The following DCLK2 variants were observed in gnomAD, a reference collection of about 807,000 sequenced individuals.
DCLK2 encodes doublecortin like kinase 2.
In DCLK2, 31 loss-of-function variants were observed where a neutral mutation model predicts 78.4. The ratio of observed to expected loss-of-function variants is 0.40; its 90% CI spans 0.30 to 0.53. The LOEUF (loss-of-function observed/expected upper bound fraction) is 0.53, where lower values mean the gene tolerates loss of function less well. DCLK2 is among the 20% of genes least tolerant of loss of function. The probability of loss-of-function intolerance (pLI) is 0.61; values close to 1 mark genes in which losing one functional copy is unlikely to be tolerated. For synonymous variants in DCLK2, 407 were observed against 374.9 expected (o/e 1.09, Z -0.99); for missense variants, 872 against 973.7 (o/e 0.90, Z 1.39).
intron 4 of DCLK2, among the ~76,000 whole-genome samples, chr4:150,201,869 G>A (rs1324338734): frequency 2.0e-5 from 3 of 152,146 alleles, no homozygotes; most frequent in East Asian, 1.9e-4. Context: ...GTTTATTGCC[G>A]GTCATAATCT....
chr4:150,078,921 G>T lies in DCLK2; in HGVS notation c.-107G>T, dbSNP rs564613650. On this transcript the variant is annotated 5_prime_UTR_variant, in exon 1 of 16. Transcript: ENST00000296550. ...GGAGAGGGCGGGATGCCAGAGCCAG[G>T]TGTCCCGGCGCGTTAAGGGCCCTCG... 1.2e-3 allele frequency: 1,657 copies of T among 1,352,402 alleles called. 1 individual carries two copies. The highest frequency in any genetic ancestry group is 1.5e-3 in the Non-Finnish European group (1,501 of 1,031,806). 83.8% of individuals were successfully genotyped at this position (1,352,402 alleles called of 1,614,324 possible).
intron 8 of DCLK2, among the ~76,000 whole-genome samples, chr4:150,232,071 A>G (rs1305613714): frequency 1.3e-5 from 2 of 152,228 alleles, no homozygotes; most frequent in Admixed American, 6.5e-5. Context: ...GCGAGAAGAC[A>G]GTATGCTTAA....
intron 10 of DCLK2, among the ~76,000 whole-genome samples, chr4:150,234,370 T>C (rs902142875): frequency 1.6e-4 from 25 of 152,184 alleles, no homozygotes; most frequent in African/African-American, 3.1e-4. Context: ...TGTCTAATTA[T>C]CTTTATATCT....
At chr4:150,174,104 A>C (rs1010260228) in intron 2 of DCLK2, among the ~76,000 whole-genome samples, 1 of 152,170 alleles carries the variant, frequency 6.6e-6, no homozygotes, top group Non-Finnish European at 1.5e-5. Flanking sequence ...AATGGCAGTC[A>C]CCACTACTCA....
chr4:150,245,507 A>G (rs1189199380), intron 12 of DCLK2, among the ~76,000 whole-genome samples: 1 of 152,070 alleles, frequency 6.6e-6, no homozygotes, highest in East Asian at 1.9e-4. Flanking sequence ...TCCTAATGCT[A>G]TCCCTCCCCC....
rs1156708739 is a variant in DCLK2 at position 150,248,185 on chromosome 4, CAGTT to C, written c.1876-117_1876-114del. 1.3e-5 allele frequency: 10 copies of C among 764,758 alleles called. No homozygotes were observed. The East Asian group carries it at 2.1e-4, about 16-fold the overall frequency. The allele number at this position is 764,758 out of a possible 1,614,324, so 47.4% of individuals were successfully genotyped here. A position where few individuals can be genotyped will look rare whatever the true frequency, so the allele number is the denominator to read the frequency against. On this transcript the variant is annotated intron_variant, in intron 13 of 15. Transcript: ENST00000296550. ...GGTATAATCACGTTTAGGTTTGAAT[CAGTT>C]AGCAGCTGTGCTGGCTCTTCTCTGA... is the stretch of plus-strand genomic sequence containing the variant.
intron 2 of DCLK2, among the ~76,000 whole-genome samples, chr4:150,156,646 G>A (rs184003443): frequency 2.1e-3 from 323 of 151,762 alleles, no homozygotes; most frequent in Non-Finnish European, 3.3e-3. Flanking sequence ...CTGCAGCCTC[G>A]ACAATAGACT....
intron 1 of DCLK2, among the ~76,000 whole-genome samples, chr4:150,092,163 TATCTC>T (rs1410146047): frequency 1.3e-5 from 2 of 152,176 alleles, no homozygotes; most frequent in Non-Finnish European, 2.9e-5. Flanking sequence ...GACTGAATAA[TATCTC>T]ATTGTATGTA....
At chr4:150,150,259 A>G (rs1022803795) in intron 2 of DCLK2, among the ~76,000 whole-genome samples, 7 of 152,186 alleles carry the variant, frequency 4.6e-5, no homozygotes, top group South Asian at 4.1e-4. Context: ...TTGACAGAGC[A>G]TTGGAATTGA....
chr4:150,151,255 AAGGGTAACC>A (rs1414433612), intron 2 of DCLK2, among the ~76,000 whole-genome samples: 1 of 152,208 alleles, frequency 6.6e-6, no homozygotes, highest in Non-Finnish European at 1.5e-5. Context: ...TATTTCTGGA[AAGGGTAACC>A]AGCCAACATA....
In DCLK2 at chr4:150,257,214, G is replaced by A. The variant is rs1039147042; in HGVS notation, c.*967G>A. The A allele has an allele frequency of 1.3e-5, 2 of 152,624 alleles. No homozygotes were observed. The highest frequency in any genetic ancestry group is 4.8e-5 in the African/African-American group (2 of 41,450). The allele number at this position is 152,624 out of a possible 1,614,324, so 9.5% of individuals were successfully genotyped here. On this transcript the variant is annotated 3_prime_UTR_variant, in exon 16 of 16. Coordinates refer to ENST00000296550, the MANE Select transcript of DCLK2 (RefSeq NM_001040260.4). The stretch of plus-strand genomic sequence containing the variant: ...ATGCCCGAGGCAGCCAGGACTGGGC[G>A]GGAAGGTGCTCCCTGGATATACTCT...
At chr4:150,225,141 T>C (rs1186932251) in intron 8 of DCLK2, among the ~76,000 whole-genome samples, 1 of 152,200 alleles carries the variant, frequency 6.6e-6, no homozygotes, top group South Asian at 2.1e-4. Context: ...TGCCCAGTCT[T>C]TGCCTCAGAG....
At chr4:150,235,920 G>A (rs1378250919) in intron 10 of DCLK2, among the ~76,000 whole-genome samples, 1 of 152,188 alleles carries the variant, frequency 6.6e-6, no homozygotes, top group Admixed American at 6.5e-5. Flanking sequence ...GGGAGCACAG[G>A]GGTGGCCGTT....
chr4:150,168,663 G>A (rs1461076421), intron 2 of DCLK2, among the ~76,000 whole-genome samples: 1 of 152,200 alleles, frequency 6.6e-6, no homozygotes, highest in African/African-American at 2.4e-5. Flanking sequence ...ACTTCTGAAT[G>A]TGTGGCCACT....
At chr4:150,103,554 G>A (rs1731029530) in intron 2 of DCLK2, among the ~76,000 whole-genome samples, 1 of 151,658 alleles carries the variant, frequency 6.6e-6, no homozygotes, top group Non-Finnish European at 1.5e-5. Context: ...AAGTTAAATT[G>A]TTTATATTTA....
intron 2 of DCLK2, among the ~76,000 whole-genome samples, chr4:150,178,562 A>C (rs1737256449): frequency 6.6e-6 from 1 of 152,162 alleles, no homozygotes; most frequent in African/African-American, 2.4e-5. Flanking sequence ...CTTTTCTTGT[A>C]AGATTTATGT....
At chr4:150,107,991 G>A (rs1731393463) in intron 2 of DCLK2, among the ~76,000 whole-genome samples, 1 of 152,026 alleles carries the variant, frequency 6.6e-6, no homozygotes, top group African/African-American at 2.4e-5. Context: ...TGAATGTGAA[G>A]TGTAAGGAAT....
intron 2 of DCLK2, among the ~76,000 whole-genome samples, chr4:150,144,114 A>G (rs1734294236): frequency 6.6e-6 from 1 of 152,052 alleles, no homozygotes; most frequent in Non-Finnish European, 1.5e-5. Context: ...AAATTCTTTA[A>G]TATTTGTTGG....
At chr4:150,188,434 C>T (rs1334389178) in intron 2 of DCLK2, among the ~76,000 whole-genome samples, 3 of 152,274 alleles carry the variant, frequency 2.0e-5, no homozygotes, top group Non-Finnish European at 2.9e-5. Flanking sequence ...CAACACTGCA[C>T]TCCAGCCAAG....
Sources: allele counts gnomAD v4.1 joint callset (sites outside exome capture counted in the v4.1 genomes callset), GRCh38; gene constraint gnomAD v4.1.1; transcripts MANE v1.5; gene names NCBI Gene and HGNC (gene_info 2026-07-23, HGNC 2026-07-21).